Variants in CUL1 observed in about 807,000 individuals in gnomAD.
CUL1 encodes the protein cullin-1.
A neutral mutation model predicts 118.0 loss-of-function variants in CUL1; 24 were observed. The ratio of observed to expected loss-of-function variants is 0.20; its 90% confidence interval spans 0.15 to 0.29. The LOEUF (loss-of-function observed/expected upper bound fraction) is 0.29, where lower values mean the gene tolerates loss of function less well. Among genes scored for constraint, CUL1 ranks in the 10% least tolerant of loss-of-function variants. The probability of loss-of-function intolerance (pLI) is 1.00; values close to 1 mark genes in which losing one functional copy is unlikely to be tolerated. For missense variants in CUL1, 361 were observed against 933.8 expected (o/e 0.39, Z 7.99); for synonymous variants, 332 against 340.4 (o/e 0.98, Z 0.27).
At chr7:148,732,105 A>T (rs1335121149) in intron 2 of CUL1, among the ~76,000 whole-genome samples, 2 of 152,052 alleles carry the variant, frequency 1.3e-5, no homozygotes, top group Non-Finnish European at 2.9e-5. Flanking sequence ...AAGTGAGAAG[A>T]TATTATGCCC....
intron 1 of CUL1, among the ~76,000 whole-genome samples, chr7:148,700,280 GAGGA>G (rs967949561): frequency 2.0e-5 from 3 of 152,192 alleles, no homozygotes; most frequent in Non-Finnish European, 4.4e-5. Context: ...AGCGGCAGAA[GAGGA>G]ACTAGATTCC....
chr7:148,773,637 A>T (rs1447927720), intron 9 of CUL1, among the ~76,000 whole-genome samples: 16 of 152,304 alleles, frequency 1.1e-4, no homozygotes, highest in Middle Eastern at 3.4e-3. Flanking sequence ...TCTCGGCTGC[A>T]CGACTCTTGA....
intron 1 of CUL1, among the ~76,000 whole-genome samples, chr7:148,721,198 GTT>G (rs946904641): frequency 4.6e-5 from 7 of 152,140 alleles, no homozygotes; most frequent in Admixed American, 4.6e-4. Flanking sequence ...CATGTTCCAT[GTT>G]AAGAAGCAAG....
At chr7:148,715,822 AG>A (rs1798196920) in intron 1 of CUL1, among the ~76,000 whole-genome samples, 1 of 152,128 alleles carries the variant, frequency 6.6e-6, no homozygotes, top group East Asian at 1.9e-4. Flanking sequence ...TTCTAGTTTC[AG>A]GCTTCTTCTC....
At chr7:148,794,667 T>C (rs1801125161) in intron 17 of CUL1, among the ~76,000 whole-genome samples, 1 of 152,238 alleles carries the variant, frequency 6.6e-6, no homozygotes, top group Non-Finnish European at 1.5e-5. Context: ...TATTGCCATC[T>C]CAGCAGTATT....
chr7:148,798,519 C>A, intron 19 of CUL1, 53 bp from the exon 20 acceptor site: 1 of 1,362,910 alleles, frequency 7.3e-7, no homozygotes, highest in Non-Finnish European at 1.0e-6. Context: ...AAGCAGCCTT[C>A]ACTGCCTACC....
chr7:148,698,451 G>A (rs367873853), upstream of CUL1: 1 of 152,316 alleles, frequency 6.6e-6, no homozygotes, highest in East Asian at 1.9e-4. Context: ...GCGGTCCCAA[G>A]GCGAGGGAGG....
At chr7:148,758,909 G>A (rs1288514352) in intron 4 of CUL1, among the ~76,000 whole-genome samples, 1 of 152,064 alleles carries the variant, frequency 6.6e-6, no homozygotes, top group African/African-American at 2.4e-5. Context: ...ACATATAAAT[G>A]CTTTCTTGAG....
At chr7:148,775,797 TACA>T (rs1800374025) in intron 9 of CUL1, among the ~76,000 whole-genome samples, 1 of 149,450 alleles carries the variant, frequency 6.7e-6, no homozygotes, top group Non-Finnish European at 1.5e-5. Flanking sequence ...TTTTAAAGAA[TACA>T]TTTTTAAATC....
rs577124428 is a variant in CUL1, at chr7:148,795,893, G to GT, written c.1900-1913dup. ...ATAGTTTTTGGGGGGATTCCTTAGA[G>GT]TTTTTTGATATACTGTCATATCATC... On this transcript the variant is annotated intron_variant, in intron 17 of 21. Coordinates refer to ENST00000325222, the MANE Select transcript of CUL1 (RefSeq NM_003592.3). 1.4e-4 allele frequency among the ~76,000 whole-genome samples: 22 copies of GT among 152,172 alleles called. 1 individual carries two copies. In the South Asian group the frequency reaches 3.5e-3, roughly 24 times the overall value.
chr7:148,785,193 C>G (rs1800774571), intron 11 of CUL1, among the ~76,000 whole-genome samples: 2 of 151,954 alleles, frequency 1.3e-5, no homozygotes, highest in South Asian at 4.2e-4. Flanking sequence ...GTATTTATTC[C>G]TGGTTTAATG....
chr7:148,768,755 A>G (rs904874120), intron 9 of CUL1, among the ~76,000 whole-genome samples: 6 of 151,964 alleles, frequency 3.9e-5, no homozygotes, highest in Non-Finnish European at 7.4e-5. Flanking sequence ...TTTTGACTTT[A>G]TTGTGCTTAA....
At chr7:148,708,795 A>T (rs1448344168) in intron 1 of CUL1, among the ~76,000 whole-genome samples, 1 of 152,166 alleles carries the variant, frequency 6.6e-6, no homozygotes, top group Non-Finnish European at 1.5e-5. Context: ...TCAAACTGGG[A>T]ATGTGATTTC....
At position 148,779,740 on chromosome 7, in the gene CUL1, T is replaced by G. The variant is rs184733356; in HGVS notation, c.1084-4043T>G. 1.8e-4 allele frequency among the ~76,000 whole-genome samples: 28 copies of G among 152,294 alleles called. 1 individual carries two copies. The highest frequency in any genetic ancestry group is 1.2e-3 in the Admixed American group (19 of 15,298). On this transcript the variant is annotated intron_variant, in intron 9 of 21. Transcript: ENST00000325222. ...GAAGAGTTGTTACAAGTTGTGATGA[T>G]TAATATTGAGTGTCAACTTGATTGG...
Position 148,787,057 on chromosome 7 carries a change from G to A in CUL1, c.1416G>A (p.Lys472=). 6.2e-7 allele frequency: 1 copy of A among 1,613,848 alleles called. No homozygotes were observed. Among genetic ancestry groups the A allele is most frequent in the Non-Finnish European group, 8.5e-7 (1 of 1,179,868 alleles). ...FQKFYAKMLA[K]RLVHQNSASD... is the part of the protein sequence containing the mutation. ...AGTTCTATGCGAAGATGCTCGCCAA[G>A]AGGCTCGTCCACCAGAACAGTGCAA... Residue 472 remains lysine (K), a synonymous_variant, in exon 13 of 22, where the codon AAG becomes AAA. Coordinates refer to ENST00000325222, the MANE Select transcript of CUL1 (RefSeq NM_003592.3). This position sits in a 1 kb window ranked among gnomAD's most constrained non-coding sequence, Gnocchi z 5.5.
chr7:148,734,029 C>CA (rs539507792), intron 2 of CUL1, among the ~76,000 whole-genome samples: 1,435 of 119,010 alleles, frequency 0.012, 10 homozygotes, highest in African/African-American at 0.028. Flanking sequence ...TTGGAAAAGC[C>CA]AAAAAAAAAA....
intron 9 of CUL1, among the ~76,000 whole-genome samples, chr7:148,780,680 A>T (rs901331551): frequency 2.0e-5 from 3 of 152,228 alleles, no homozygotes; most frequent in African/African-American, 7.2e-5. Flanking sequence ...GTATAACAAC[A>T]ACTGAAATCA....
intron 1 of CUL1, among the ~76,000 whole-genome samples, chr7:148,709,283 TG>T (rs1196339486): frequency 1.3e-5 from 2 of 152,236 alleles, no homozygotes; most frequent in Non-Finnish European, 2.9e-5. Flanking sequence ...GTGTGTGATT[TG>T]GCAAAAAGAA....
upstream of CUL1, chr7:148,697,897 G>C (rs556570961): frequency 6.6e-6 from 1 of 152,166 alleles, no homozygotes; most frequent in Non-Finnish European, 1.5e-5. Context: ...TGACTTCGAA[G>C]TACACGTGAA....
Sources: allele counts gnomAD v4.1 joint callset (sites outside exome capture counted in the v4.1 genomes callset), GRCh38; gene constraint gnomAD v4.1.1; non-coding constraint Gnocchi (gnomAD v3.1); transcripts MANE v1.5; gene names NCBI Gene and HGNC (gene_info 2026-07-23, HGNC 2026-07-21).